Variants in ANGPT4 observed in about 807,000 individuals in gnomAD.
The protein encoded by ANGPT4 is angiopoietin 4, also known as angiopoietin-4.
A neutral mutation model predicts 53.0 loss-of-function variants in ANGPT4; 50 were observed. The observed-to-expected ratio is 0.94, with a 90% CI of 0.75 to 1.20. The LOEUF is 1.20. Ranked by LOEUF, ANGPT4 falls within the 50% of genes most tolerant of loss-of-function variation. The pLI is 0.00. For missense variants in ANGPT4, 648 were observed against 637.1 expected (o/e 1.02, Z -0.18); for synonymous variants, 251 against 259.7 (o/e 0.97, Z 0.32).
At position 885,340 on chromosome 20, in the gene ANGPT4, G is replaced by T. The variant is rs1352274056; in HGVS notation, c.588-15C>A. On this transcript the variant is annotated splice_polypyrimidine_tract_variant and intron_variant, in intron 3 of 8. Transcript: ENST00000381922. ...TCTCGAGCGCGCTGCGGGGTAGGGG[G>T]CGCACAGAGGTGAGCCTGGCATCCT... 1 of 1,565,358 alleles carries T rather than the reference G, an allele frequency of 6.4e-7. No homozygotes were observed.
rs1173795900 is a variant in ANGPT4 at position 914,610 on chromosome 20, G to A, written c.309+1296C>T. ...GCCTGGAGCCAGAGGTGGTTGTCAA[G>A]CTTGTCTGCTGTTTAATACCTTCTA... On this transcript the variant is annotated intron_variant, in intron 1 of 8. Coordinates refer to ENST00000381922, the MANE Select transcript of ANGPT4 (RefSeq NM_015985.4). The surrounding 1 kb of genome is among the most constrained non-coding windows in gnomAD (Gnocchi z 5.0). Among the ~76,000 whole-genome samples, 2 of 152,076 alleles carry A rather than the reference G, an allele frequency of 1.3e-5. No individual in the cohort carries two copies. The highest frequency in any genetic ancestry group is 2.9e-5 in the Non-Finnish European group (2 of 68,004).
intron 1 of ANGPT4, among the ~76,000 whole-genome samples, chr20:910,940 C>T (rs139026547): frequency 1.3e-5 from 2 of 152,066 alleles, no homozygotes; most frequent in Non-Finnish European, 2.9e-5. Context: ...GAAGCAGATG[C>T]TGTTTCCCCC....
At chr20:888,181 C>A in intron 3 of ANGPT4, 137 bp downstream of exon 3, 1 of 1,239,680 alleles carries the variant, frequency 8.1e-7, no homozygotes, top group Non-Finnish European at 1.1e-6. Flanking sequence ...GGCCCTATCC[C>A]AGACACCAGC....
At chr20:884,290 C>T (rs1308091125) in intron 4 of ANGPT4, among the ~76,000 whole-genome samples, 1 of 152,358 alleles carries the variant, frequency 6.6e-6, no homozygotes, top group African/African-American at 2.4e-5. Context: ...GCATCTGGCA[C>T]ATATTATGCA....
intron 1 of ANGPT4, among the ~76,000 whole-genome samples, chr20:909,639 C>G (rs1264095792): frequency 6.6e-6 from 1 of 152,202 alleles, no homozygotes; most frequent in Admixed American, 6.5e-5. Flanking sequence ...TCCTCAATAA[C>G]CTGCAAAGTA....
chr20:903,789 C>T (rs61478366), intron 1 of ANGPT4, among the ~76,000 whole-genome samples: 9,176 of 152,162 alleles, frequency 0.06, 696 homozygotes, highest in African/African-American at 0.18. Context: ...GATTTGAGCC[C>T]GGCCTGACGG....
Position 911,392 on chromosome 20 carries a change from C to T in ANGPT4, c.309+4514G>A, listed in dbSNP as rs959736198. On this transcript the variant is annotated intron_variant, in intron 1 of 8. Coordinates refer to ENST00000381922, the MANE Select transcript of ANGPT4 (RefSeq NM_015985.4). This position sits in a 1 kb window ranked among gnomAD's most constrained non-coding sequence, Gnocchi z 4.9. ...GGAAGAGAAAGAGGCCTCGGCTGAG[C>T]AGCCAGCTGCAGGGTGGGCATTGGT... 1.6e-4 allele frequency among the ~76,000 whole-genome samples: 24 copies of T among 152,368 alleles called. No homozygotes were observed. Among genetic ancestry groups the T allele is most frequent in the African/African-American group, 5.3e-4 (22 of 41,590 alleles).
chr20:879,855 G>A lies in ANGPT4; in HGVS notation c.952-7C>T, dbSNP rs746429080. The A allele has an allele frequency of 4.4e-6, 7 of 1,609,128 alleles. No individual in the cohort carries two copies. Among genetic ancestry groups the A allele is most frequent in the South Asian group, 1.1e-5 (1 of 90,542 alleles). ...TCTGCAGGTCACAGAACACCTGGAG[G>A]GGGTGGGCAAGGCACAGCTGGGAGC... On this transcript the variant is annotated splice_region_variant and splice_polypyrimidine_tract_variant and intron_variant, in intron 5 of 8. Transcript: ENST00000381922.
Position 915,938 on chromosome 20 carries a change from C to A in ANGPT4, c.277G>T (p.Ala93Ser). 6.2e-7 allele frequency: 1 copy of A among 1,600,494 alleles called. No homozygotes were observed. The highest frequency in any genetic ancestry group is 8.5e-7 in the Non-Finnish European group (1 of 1,171,382). The change falls in exon 1 of 9, where the codon GCA becomes TCA. Residue 93 changes from alanine (A) to serine (S), a missense_variant. Ala to Ser is a moderately conservative substitution (Grantham distance 99). Coordinates refer to ENST00000381922, the MANE Select transcript of ANGPT4 (RefSeq NM_015985.4). ...AGCCACTGCGTGTTGTTCTGCAGTG[C>A]CTGCTCCAGCTGTTTCACCTGCTGG... ...PTQQVKQLEQALQNNTQWLKK... is the reference protein window; with the variant it reads ...PTQQVKQLEQSLQNNTQWLKK...
intron 1 of ANGPT4, among the ~76,000 whole-genome samples, chr20:892,503 G>A (rs1424664161): frequency 6.6e-6 from 1 of 152,012 alleles, no homozygotes; most frequent in Admixed American, 6.5e-5. Flanking sequence ...GACTGAGGCA[G>A]GAGGATCGCT....
chr20:874,321 G>T lies in ANGPT4; in HGVS notation c.1314C>A (p.Asp438Glu), dbSNP rs1275174897. The T allele has an allele frequency of 1.9e-6, 3 of 1,614,084 alleles. No individual in the cohort carries two copies. The highest frequency in any genetic ancestry group is 2.7e-5 in the African/African-American group (2 of 74,944). Residue 438 changes from aspartate to glutamate, a missense_variant, in exon 8 of 9, where the codon GAC (aspartate) becomes GAA (glutamate). Transcript: ENST00000381922. ...TSFSTLDSDNDHCLCKCAQVM... is the reference protein window; with the variant it reads ...TSFSTLDSDNEHCLCKCAQVM... ...CTTGGGCACACTTGCAGAGACAGTG[G>T]TCGTTGTCTGAGTCAAGGGTGCTAA...
chr20:887,595 T>C (rs1981662698), intron 3 of ANGPT4, among the ~76,000 whole-genome samples: 1 of 151,624 alleles, frequency 6.6e-6, no homozygotes, highest in East Asian at 1.9e-4. Context: ...AAATCAGCCT[T>C]AGCTGCCAGA....
intron 1 of ANGPT4, among the ~76,000 whole-genome samples, chr20:896,326 G>A (rs1323669488): frequency 6.6e-6 from 1 of 152,210 alleles, no homozygotes; most frequent in South Asian, 2.1e-4. Context: ...TGAATGCTAT[G>A]AAGAAAATAA....
At position 908,020 on chromosome 20, in the gene ANGPT4, A is replaced by G. The variant is rs1182030866; in HGVS notation, c.309+7886T>C. Among the ~76,000 whole-genome samples the G allele has an allele frequency of 6.6e-6, 1 of 152,174 alleles. No homozygotes were observed. The highest frequency in any genetic ancestry group is 1.5e-5 in the Non-Finnish European group (1 of 68,034). ...GCTGGTAAAGGAAGATTTTTAACTT[A>G]ATGGCTGAGCTCTTTCTATGTGCCT... On this transcript the variant is annotated intron_variant, in intron 1 of 8. Coordinates refer to ENST00000381922, the MANE Select transcript of ANGPT4 (RefSeq NM_015985.4). This position sits in a 1 kb window ranked among gnomAD's most constrained non-coding sequence, Gnocchi z 4.9.
chr20:916,172 C>A lies in ANGPT4; in HGVS notation c.43G>T (p.Val15Leu). 6.2e-7 allele frequency: 1 copy of A among 1,614,082 alleles called. No individual in the cohort carries two copies. Among genetic ancestry groups the A allele is most frequent in the Non-Finnish European group, 8.5e-7 (1 of 1,179,976 alleles). Residue 15 changes from valine to leucine, a missense_variant, in exon 1 of 9, where the codon GTG becomes TTG. Coordinates refer to ENST00000381922, the MANE Select transcript of ANGPT4 (RefSeq NM_015985.4). ...TGAGCCACAGACATGGTGGCAACCA[C>A]AAGGAGGAGGCTGCCCTGCAGCATG... ...LAMLQGSLLL[V>L]VATMSVAQQT... is the part of the protein sequence containing the mutation.
intron 4 of ANGPT4, among the ~76,000 whole-genome samples, chr20:884,607 T>C (rs186697083): frequency 2.0e-4 from 30 of 152,352 alleles, no homozygotes; most frequent in Admixed American, 1.7e-3. Context: ...TCACTTCTGT[T>C]TGGCCCTCTT....
chr20:870,395 G>A lies in ANGPT4; in HGVS notation c.*2565C>T, dbSNP rs768986921. 2.0e-5 allele frequency: 3 copies of A among 149,472 alleles called. No homozygotes were observed. The highest frequency in any genetic ancestry group is 4.4e-5 in the Non-Finnish European group (3 of 67,776). The allele number at this position is 149,472 out of a possible 1,614,324, so 9.3% of individuals were successfully genotyped here. A position where few individuals can be genotyped will look rare whatever the true frequency, so the allele number is the denominator to read the frequency against. ...AATACAAAAGTTTTCCGGGCGTGGT[G>A]GTAGGCGTCTGTAATCCCATTACTC... On this transcript the variant is annotated 3_prime_UTR_variant, in exon 9 of 9. Transcript: ENST00000381922.
At chr20:897,887 C>G (rs1265468754) in intron 1 of ANGPT4, among the ~76,000 whole-genome samples, 4 of 152,198 alleles carry the variant, frequency 2.6e-5, no homozygotes, top group Non-Finnish European at 5.9e-5. Flanking sequence ...TTCTGCAATA[C>G]TGCTAGGCCC....
intron 1 of ANGPT4, among the ~76,000 whole-genome samples, chr20:891,017 T>C (rs1382689456): frequency 6.6e-6 from 1 of 152,250 alleles, no homozygotes; most frequent in South Asian, 2.1e-4. Flanking sequence ...TTTCTCTCTC[T>C]AGAATGTCAA....
Sources: allele counts gnomAD v4.1 joint callset (sites outside exome capture counted in the v4.1 genomes callset), GRCh38; gene constraint gnomAD v4.1.1; non-coding constraint Gnocchi (gnomAD v3.1); transcripts MANE v1.5; gene names NCBI Gene and HGNC (gene_info 2026-07-23, HGNC 2026-07-21).